SPG11: variants seen among roughly 807,000 people sequenced by gnomAD.
SPG11 encodes SPG11 vesicle trafficking associated, spatacsin, also known as spatacsin.
SPG11 carries 222 observed loss-of-function variants against 274.0 expected under a neutral mutation model. The observed-to-expected ratio is 0.81, with a 90% CI of 0.73 to 0.91. The LOEUF is 0.91. Among genes scored for constraint, SPG11 ranks in the 40% least tolerant of loss-of-function variants. The pLI is 0.00. For missense variants in SPG11, 3,114 were observed against 2,872.7 expected (o/e 1.08, Z -1.92); for synonymous variants, 1,144 against 1,039.7 (o/e 1.10, Z -1.93).
At chr15:44,589,623 A>G (rs2082852790) in intron 27 of SPG11, among the ~76,000 whole-genome samples, 1 of 152,204 alleles carries the variant, frequency 6.6e-6, no homozygotes, top group South Asian at 2.1e-4. Context: ...GCAGCTTTGC[A>G]CATTGTCTCT....
Position 44,628,723 on chromosome 15 carries a change from A to C in SPG11, c.2013T>G (p.His671Gln), listed in dbSNP as rs1432771547. The C allele has an allele frequency of 2.5e-6, 4 of 1,613,824 alleles. No individual in the cohort carries two copies. Among genetic ancestry groups the C allele is most frequent in the Non-Finnish European group, 3.4e-6 (4 of 1,179,928 alleles). ...LTDAIDEYDV[H>Q]ENVPKVKESN... ...TCTCCTTTACTTTGGGGACATTTTC[A>C]TGTACATCATATTCATCTATAGCAT... Residue 671 changes from histidine (H) to glutamine (Q), a missense_variant, in exon 10 of 40, where the codon CAT (histidine) becomes CAG (glutamine). His to Gln is a conservative substitution (Grantham distance 24). Transcript: ENST00000261866.
intron 26 of SPG11, among the ~76,000 whole-genome samples, chr15:44,594,047 G>A (rs1193308759): frequency 1.3e-5 from 2 of 150,630 alleles, no homozygotes; most frequent in Non-Finnish European, 2.9e-5. Context: ...TGGGATTACA[G>A]GTGTGAGCCA....
chr15:44,579,557 CAGG>C (rs2082618189), intron 30 of SPG11, among the ~76,000 whole-genome samples: 1 of 145,478 alleles, frequency 6.9e-6, no homozygotes, highest in Admixed American at 6.8e-5. Context: ...AAAGAAAAAG[CAGG>C]AAGATTTCAA....
chr15:44,610,957 A>C lies in SPG11; in HGVS notation c.3174T>G (p.Leu1058=), dbSNP rs1181864321. ...TDPKLIFQAS[L]ANAQILIPTN... ...TGGGAATCAAAATCTGAGCATTTGC[A>C]AGGCTAGCCTGGAAGATCAGTTTGG... Residue 1058 remains leucine (L), a synonymous_variant, in exon 18 of 40, where the codon CTT becomes CTG. Transcript: ENST00000261866. 1 of 1,614,058 alleles carries C rather than the reference A, an allele frequency of 6.2e-7. No individual in the cohort carries two copies. Among genetic ancestry groups the C allele is most frequent in the East Asian group, 2.2e-5 (1 of 44,860 alleles).
rs569535298 is a variant in SPG11, at chr15:44,617,064, A to G, written c.2835-1498T>C. ...ACTCTGTTCCTGGAGGCTCACCTCT[A>G]TGGGTTCTACTACGAGACCCCAGTG... On this transcript the variant is annotated intron_variant, in intron 15 of 39. Coordinates refer to ENST00000261866, the MANE Select transcript of SPG11 (RefSeq NM_025137.4). 1.5e-4 allele frequency among the ~76,000 whole-genome samples: 23 copies of G among 152,304 alleles called. No individual in the cohort carries two copies. The East Asian group carries it at 3.3e-3, about 22-fold the overall frequency.
intron 7 of SPG11, among the ~76,000 whole-genome samples, chr15:44,635,689 G>T (rs930093419): frequency 2.0e-5 from 3 of 151,394 alleles, no homozygotes; most frequent in Non-Finnish European, 4.4e-5. Flanking sequence ...GGCTGATGAG[G>T]GTGGATCACC....
intron 30 of SPG11, among the ~76,000 whole-genome samples, chr15:44,576,447 G>A (rs2082540064): frequency 6.6e-6 from 1 of 151,840 alleles, no homozygotes; most frequent in African/African-American, 2.4e-5. Flanking sequence ...AGGAGATCGA[G>A]ACCATCCTGG....
chr15:44,583,595 CAGAT>C (rs1376738946), intron 30 of SPG11, among the ~76,000 whole-genome samples: 3 of 152,186 alleles, frequency 2.0e-5, no homozygotes, highest in Non-Finnish European at 4.4e-5. Flanking sequence ...AGCTACAAAT[CAGAT>C]AGATTCCCTT....
At chr15:44,658,063 T>C (rs1356124284) in intron 3 of SPG11, among the ~76,000 whole-genome samples, 2 of 152,152 alleles carry the variant, frequency 1.3e-5, no homozygotes, top group Non-Finnish European at 2.9e-5. Flanking sequence ...AAATTAAAAA[T>C]TCGGTTCCCA....
At chr15:44,641,991 G>T (rs1421230292) in intron 7 of SPG11, among the ~76,000 whole-genome samples, 1 of 147,542 alleles carries the variant, frequency 6.8e-6, no homozygotes, top group Non-Finnish European at 1.5e-5. Flanking sequence ...AGTGGGATAC[G>T]ATACAGAGGT....
chr15:44,640,729 CTTTTT>C (rs1027533878), intron 7 of SPG11, among the ~76,000 whole-genome samples: 1 of 151,794 alleles, frequency 6.6e-6, no homozygotes, highest in African/African-American at 2.4e-5. Flanking sequence ...AAAGACAGGA[CTTTTT>C]TATTTTTTAT....
chr15:44,657,260 T>G lies in SPG11; in HGVS notation c.704A>C (p.His235Pro). 6.2e-7 allele frequency: 1 copy of G among 1,614,214 alleles called. No homozygotes were observed. The highest frequency in any genetic ancestry group is 1.3e-5 in the African/African-American group (1 of 75,068). Residue 235 changes from histidine (H) to proline (P), a missense_variant, in exon 4 of 40, where the codon CAT (histidine) becomes CCT (proline). Physicochemically the swap from His to Pro is moderately conservative, Grantham distance 77. Transcript: ENST00000261866. ...TTCTTTGTGAAGTGCTAAATCCACA[T>G]GAGCTACATATGTACCATCCACAAC... ...FDVVDGTYVA[H>P]VDLALHKEDM...
chr15:44,581,868 T>C (rs2082664752), intron 30 of SPG11, among the ~76,000 whole-genome samples: 1 of 152,120 alleles, frequency 6.6e-6, no homozygotes, highest in South Asian at 2.1e-4. Flanking sequence ...GTTAAGGATG[T>C]ACACTGTCAT....
At chr15:44,644,435 G>A (rs949800052) in intron 7 of SPG11, among the ~76,000 whole-genome samples, 1 of 151,970 alleles carries the variant, frequency 6.6e-6, no homozygotes, top group Non-Finnish European at 1.5e-5. Context: ...AAAATATCAA[G>A]AGCCATTTAT....
At chr15:44,615,261 C>T (rs111451070) in intron 16 of SPG11, 102 bp downstream of exon 16, 37 of 1,116,850 alleles carry the variant, frequency 3.3e-5, no homozygotes, top group African/African-American at 1.8e-4. Context: ...CAGTATTCCT[C>T]GTGTGAATGC....
chr15:44,610,447 A>G (rs1280484967), intron 18 of SPG11, among the ~76,000 whole-genome samples: 3 of 152,074 alleles, frequency 2.0e-5, no homozygotes, highest in East Asian at 3.9e-4. Context: ...CAGTGGTACA[A>G]TCTCAGCTCA....
chr15:44,570,620 G>A lies in SPG11; in HGVS notation c.6382C>T (p.Leu2128=). 1 of 1,614,126 alleles carries A rather than the reference G, an allele frequency of 6.2e-7. No homozygotes were observed. Among genetic ancestry groups the A allele is most frequent in the Non-Finnish European group, 8.5e-7 (1 of 1,179,998 alleles). ...ATGATGCCCTCCATGTGGCACGTCAGGGTGAAGCAATGATGGGCCAGGATC... is the reference window on the plus strand; with the variant it reads ...ATGATGCCCTCCATGTGGCACGTCAAGGTGAAGCAATGATGGGCCAGGATC... ...LLILAHHCFT[L]TCHMEGIIRV... is the part of the protein sequence containing the mutation. Residue 2128 remains leucine (L), a synonymous_variant, in exon 34 of 40, where the codon CTG becomes TTG. Transcript: ENST00000261866.
intron 19 of SPG11, among the ~76,000 whole-genome samples, chr15:44,607,444 G>T (rs948761061): frequency 6.6e-6 from 1 of 152,150 alleles, no homozygotes; most frequent in Non-Finnish European, 1.5e-5. Flanking sequence ...ACCATGCCTG[G>T]CTAATTGTTA....
At chr15:44,568,341 A>G (rs2082349986) in intron 35 of SPG11, among the ~76,000 whole-genome samples, 1 of 152,242 alleles carries the variant, frequency 6.6e-6, no homozygotes, top group African/African-American at 2.4e-5. Context: ...AGATGCACCT[A>G]TGTCCAGGAC....
Sources: gnomAD v4.1 joint callset for allele counts (sites outside exome capture counted in the v4.1 genomes callset) on GRCh38, gnomAD v4.1.1 for gene constraint, MANE v1.5 for transcripts, NCBI Gene and HGNC (gene_info 2026-07-23, HGNC 2026-07-21) for gene names.